The following IFT22 variants were observed in gnomAD, a reference collection of about 807,000 sequenced individuals.
IFT22 encodes intraflagellar transport protein 22 homolog.
In IFT22, 13 loss-of-function variants were observed where a neutral mutation model predicts 21.0. The ratio of observed to expected loss-of-function variants is 0.62; its 90% CI spans 0.40 to 0.98. The LOEUF (loss-of-function observed/expected upper bound fraction) is 0.98. Among genes scored for constraint, IFT22 ranks in the 50% least tolerant of loss-of-function variants. IFT22 has a pLI of 0.00. For synonymous variants in IFT22, 67 were observed against 82.4 expected, an observed-to-expected ratio of 0.81 and a Z score of 1.01; for missense variants, 227 against 228.9, an observed-to-expected ratio of 0.99 and a Z score of 0.06.
intron 1 of IFT22, among the ~76,000 whole-genome samples, chr7:101,319,951 C>T (rs1375082011): frequency 6.7e-6 from 1 of 149,654 alleles, no homozygotes; most frequent in Non-Finnish European, 1.5e-5. Flanking sequence ...AAGACTTCTA[C>T]AGGTTTTATT....
At chr7:101,315,317 G>A (rs2116918829) in intron 4 of IFT22, 35 bp from the exon 5 acceptor site, 1 of 1,613,018 alleles carries the variant, frequency 6.2e-7, no homozygotes, top group African/African-American at 1.3e-5. Flanking sequence ...TAGGCAAAGA[G>A]TTTCCATGAA....
At position 101,313,314 on chromosome 7, in the gene IFT22, G is replaced by A. The variant is rs1422476165; in HGVS notation, c.*1820C>T. ...CCATCTTAGCCTCCCAAAGTGTTGG[G>A]ATTACAGGTGTGACCCACTGCAACT... On this transcript the variant is annotated 3_prime_UTR_variant, in exon 5 of 5. Transcript: ENST00000315322. 2.0e-5 allele frequency: 3 copies of A among 151,564 alleles called. No homozygotes were observed. Among genetic ancestry groups the A allele is most frequent in the Admixed American group, 1.3e-4 (2 of 15,222 alleles). 9.4% of individuals were successfully genotyped at this position (151,564 alleles called of 1,614,324 possible). A position where few individuals can be genotyped will look rare whatever the true frequency, so the allele number is the denominator to read the frequency against.
rs1373359491 is a variant in IFT22 at position 101,312,914 on chromosome 7, A to C, written c.*2220T>G. 2.6e-5 allele frequency among the ~76,000 whole-genome samples: 4 copies of C among 151,356 alleles called. No individual in the cohort carries two copies. Among genetic ancestry groups the C allele is most frequent in the Non-Finnish European group, 5.9e-5 (4 of 67,870 alleles). ...AATGGCACAATCTCGGCTTACTGCA[A>C]CCTCCGCCTCCCAGGTTCAAGCGAT... On this transcript the variant is annotated 3_prime_UTR_variant, in exon 5 of 5. Transcript: ENST00000315322.
At chr7:101,318,802 A>G (rs1272659521) in intron 2 of IFT22, 154 bp downstream of exon 2, 7 of 591,412 alleles carry the variant, frequency 1.2e-5, no homozygotes, top group Admixed American at 2.9e-5. Context: ...ACACCTGGCT[A>G]ATGTTTTATT....
chr7:101,313,025 G>A lies in IFT22; in HGVS notation c.*2109C>T, dbSNP rs1790022428. On this transcript the variant is annotated 3_prime_UTR_variant, in exon 5 of 5. Coordinates refer to ENST00000315322, the MANE Select transcript of IFT22 (RefSeq NM_022777.4). Reference sequence around the variant, plus strand: ...ATTTTTGTATTTTTAGTAGAGACGGGGTTTCACCATGTTGGACAGGCTGGT... The same window carrying A: ...ATTTTTGTATTTTTAGTAGAGACGGAGTTTCACCATGTTGGACAGGCTGGT... Among the ~76,000 whole-genome samples the A allele has an allele frequency of 6.6e-6, 1 of 151,966 alleles. No homozygotes were observed. Among genetic ancestry groups the A allele is most frequent in the Non-Finnish European group, 1.5e-5 (1 of 67,998 alleles).
chr7:101,321,762 G>C lies in IFT22; in HGVS notation c.-53C>G. The C allele has an allele frequency of 2.0e-6, 3 of 1,534,314 alleles. No homozygotes were observed. The highest frequency in any genetic ancestry group is 2.6e-6 in the Non-Finnish European group (3 of 1,135,208). On this transcript the variant is annotated 5_prime_UTR_variant, in exon 1 of 5. Coordinates refer to ENST00000315322, the MANE Select transcript of IFT22 (RefSeq NM_022777.4). The stretch of plus-strand genomic sequence containing the variant: ...GAGCCCACGGGAGGCGGCGCGTCAG[G>C]ACGGAGCTCTACTTGGCCGCTTTCG...
In IFT22 at chr7:101,312,630, G is replaced by A. The variant is rs953049766; in HGVS notation, c.*2504C>T. 6.8e-6 allele frequency among the ~76,000 whole-genome samples: 1 copy of A among 147,562 alleles called. No individual in the cohort carries two copies. The highest frequency in any genetic ancestry group is 1.5e-5 in the Non-Finnish European group (1 of 67,250). Reference sequence around the variant, plus strand: ...GGCTCACTGCAACCTCTGCCTCCTGGGTTCAAGTGATTCTCCTCCCTCAGC... The same window carrying A: ...GGCTCACTGCAACCTCTGCCTCCTGAGTTCAAGTGATTCTCCTCCCTCAGC... On this transcript the variant is annotated 3_prime_UTR_variant, in exon 5 of 5. Coordinates refer to ENST00000315322, the MANE Select transcript of IFT22 (RefSeq NM_022777.4).
At chr7:101,316,202 T>C (rs570832019) in intron 4 of IFT22, 138 bp downstream of exon 4, 39 of 786,928 alleles carry the variant, frequency 5.0e-5, no homozygotes, top group Non-Finnish European at 7.9e-5. Context: ...TGGACTCACA[T>C]GGAGAGGGTA....
chr7:101,321,370 G>A (rs944834548), intron 1 of IFT22: 4 of 433,932 alleles, frequency 9.2e-6, no homozygotes, highest in Non-Finnish European at 1.6e-5. Flanking sequence ...GGGATCCCGG[G>A]GGCAAAAGAA....
Position 101,314,932 on chromosome 7 carries a change from T to C in IFT22, c.*202A>G. 1.8e-6 allele frequency: 1 copy of C among 552,458 alleles called. No individual in the cohort carries two copies. Among genetic ancestry groups the C allele is most frequent in the Non-Finnish European group, 3.1e-6 (1 of 320,854 alleles). The allele number at this position is 552,458 out of a possible 1,614,324, so 34.2% of individuals were successfully genotyped here. ...GGGCCAGGAAATCCAAATTTGATAA[T>C]AGGATTTTCTCAACTGAACTCAGGG... On this transcript the variant is annotated 3_prime_UTR_variant, in exon 5 of 5. Transcript: ENST00000315322.
chr7:101,315,574 C>A, intron 4 of IFT22: 1 of 415,946 alleles, frequency 2.4e-6, no homozygotes, highest in Non-Finnish European at 4.3e-6. Flanking sequence ...ATGACTGTGT[C>A]ACCTCTGGGA....
chr7:101,312,254 A>C lies in IFT22; in HGVS notation c.*2880T>G, dbSNP rs56239990. 0.073 allele frequency among the ~76,000 whole-genome samples: 11,034 copies of C among 152,032 alleles called. 746 individuals carry two copies. The highest frequency in any genetic ancestry group is 0.24 in the Admixed American group (3,676 of 15,208). ...CCCCATCTCTACAAAAAGTACAAAA[A>C]TTAGCCAGGCGTGCACTAATTAGTG... On this transcript the variant is annotated 3_prime_UTR_variant, in exon 5 of 5. Transcript: ENST00000315322.
Position 101,315,004 on chromosome 7 carries a change from C to A in IFT22, c.*130G>T. 1 of 990,728 alleles carries A rather than the reference C, an allele frequency of 1.0e-6. No individual in the cohort carries two copies. Among genetic ancestry groups the A allele is most frequent in the Non-Finnish European group, 1.5e-6 (1 of 682,730 alleles). The allele number at this position is 990,728 out of a possible 1,614,324, so 61.4% of individuals were successfully genotyped here. ...GAACGCCCTGTGTGACAGGTGCCTT[C>A]CTGCAGGTAGGAACACTTCCTCTGC... On this transcript the variant is annotated 3_prime_UTR_variant, in exon 5 of 5. Coordinates refer to ENST00000315322, the MANE Select transcript of IFT22 (RefSeq NM_022777.4).
chr7:101,311,423 CATT>C lies in IFT22; in HGVS notation c.*3708_*3710del, dbSNP rs1331654555. ...TGGAAAGATGATTTAGTTCAGTTGACATTAATAATACGCATGGTAATCCTAACA... is the reference window on the plus strand; with the variant it reads ...TGGAAAGATGATTTAGTTCAGTTGACAATAATACGCATGGTAATCCTAACA... On this transcript the variant is annotated 3_prime_UTR_variant, in exon 5 of 5. Coordinates refer to ENST00000315322, the MANE Select transcript of IFT22 (RefSeq NM_022777.4). Among the ~76,000 whole-genome samples the C allele has an allele frequency of 2.0e-5, 3 of 152,166 alleles. No homozygotes were observed. The highest frequency in any genetic ancestry group is 4.8e-5 in the African/African-American group (2 of 41,442).
At position 101,314,460 on chromosome 7, in the gene IFT22, C is replaced by A. The variant is rs1356013616; in HGVS notation, c.*674G>T. 2 of 152,232 alleles carry A rather than the reference C, an allele frequency of 1.3e-5. No individual in the cohort carries two copies. The highest frequency in any genetic ancestry group is 4.8e-5 in the African/African-American group (2 of 41,464). 9.4% of individuals were successfully genotyped at this position (152,232 alleles called of 1,614,324 possible). On this transcript the variant is annotated 3_prime_UTR_variant, in exon 5 of 5. Transcript: ENST00000315322. ...GTGAGCCACCACGCCCCGCCTAGAA[C>A]TCTTATAGAGAATGAAGAATGCGTT...
At position 101,311,269 on chromosome 7, in the gene IFT22, GCGTGAGCCA is replaced by G. The variant is rs576002861; in HGVS notation, c.*3856_*3864del. On this transcript the variant is annotated 3_prime_UTR_variant, in exon 5 of 5. Coordinates refer to ENST00000315322, the MANE Select transcript of IFT22 (RefSeq NM_022777.4). Reference sequence around the variant, plus strand: ...GCCTCCCAAAGTGCTGGGATTACAGGCGTGAGCCACTGCGCCTGGCCTTGGGTTGTTATA... The same window carrying G: ...GCCTCCCAAAGTGCTGGGATTACAGGCTGCGCCTGGCCTTGGGTTGTTATA... 2.0e-4 allele frequency among the ~76,000 whole-genome samples: 30 copies of G among 152,284 alleles called. 1 individual carries two copies. In the South Asian group the frequency reaches 6.0e-3, roughly 31 times the overall value.
At chr7:101,317,779 C>T (rs769865252) in intron 3 of IFT22, among the ~76,000 whole-genome samples, 8 of 151,926 alleles carry the variant, frequency 5.3e-5, no homozygotes, top group East Asian at 1.9e-4. Context: ...TACAATGGTG[C>T]GATCTCAGCT....
In IFT22 at chr7:101,318,189, A is replaced by G. The variant is rs1790219357; in HGVS notation, c.141T>C (p.His47=). 6.2e-7 allele frequency: 1 copy of G among 1,611,912 alleles called. No homozygotes were observed. ...GVRILEFENP[H]VTSNNKGTGC... is the part of the protein sequence containing the mutation. ...CCGTGCCTTTGTTGTTGCTGGTAAC[A>G]TGCGGGTTCTCAAATTCTAGGATCC... Residue 47 remains histidine (H), a synonymous_variant, in exon 3 of 5, where the codon CAT becomes CAC. Transcript: ENST00000315322.
rs1273360089 is a variant in IFT22, at chr7:101,311,228, T to A, written c.*3906A>T. ...GGATGGTCTCGATCTCTTAACCTCG[T>A]AATCCACCCGCCTCGGCCTCCCAAA... On this transcript the variant is annotated 3_prime_UTR_variant, in exon 5 of 5. Transcript: ENST00000315322. Among the ~76,000 whole-genome samples the A allele has an allele frequency of 6.6e-6, 1 of 152,100 alleles. No individual in the cohort carries two copies. The highest frequency in any genetic ancestry group is 1.5e-5 in the Non-Finnish European group (1 of 68,034).
Sources: gnomAD v4.1 joint callset for allele counts (sites outside exome capture counted in the v4.1 genomes callset) on GRCh38, gnomAD v4.1.1 for gene constraint, MANE v1.5 for transcripts, NCBI Gene and HGNC (gene_info 2026-07-23, HGNC 2026-07-21) for gene names.